Variants in SLC7A2 observed in about 807,000 individuals in gnomAD.
SLC7A2 encodes cationic amino acid transporter 2.
A neutral mutation model predicts 58.9 loss-of-function variants in SLC7A2; 48 were observed. The observed-to-expected ratio is 0.82, with a 90% CI of 0.65 to 1.04. The LOEUF is 1.04. SLC7A2 is among the 50% of genes least tolerant of loss of function. SLC7A2 has a pLI of 0.00. For missense variants in SLC7A2, 1,029 were observed against 818.8 expected, an observed-to-expected ratio of 1.26 and a Z score of -3.13; for synonymous variants, 363 against 314.5, an observed-to-expected ratio of 1.15 and a Z score of -1.63.
chr8:17,523,216 C>T (rs1801087236), intron 2 of SLC7A2, among the ~76,000 whole-genome samples: 1 of 152,022 alleles, frequency 6.6e-6, no homozygotes, highest in Non-Finnish European at 1.5e-5. Flanking sequence ...TCTACAAATT[C>T]AGTGCAACTC....
chr8:17,496,923 G>A (rs1799973881), upstream of SLC7A2, among the ~76,000 whole-genome samples: 3 of 151,726 alleles, frequency 2.0e-5, no homozygotes, highest in Non-Finnish European at 4.4e-5. Flanking sequence ...CCGCTGAGCA[G>A]CGGCCGCACA....
At chr8:17,547,477 T>C (rs963186785) in intron 4 of SLC7A2, among the ~76,000 whole-genome samples, 2 of 152,120 alleles carry the variant, frequency 1.3e-5, no homozygotes, top group African/African-American at 4.8e-5. Context: ...ATGAATAGAA[T>C]ATCCTAATAG....
Position 17,569,108 on chromosome 8 carries a change from C to T in SLC7A2, c.*3962C>T, listed in dbSNP as rs1803399582. On this transcript the variant is annotated 3_prime_UTR_variant, in exon 13 of 13. Coordinates refer to ENST00000494857, the MANE Select transcript of SLC7A2 (RefSeq NM_001370338.1). ...TGACAGAGGGAGCACTTGAGCCTTG[C>T]CTTCCCTCCTCTTAAATCAGGGTGT... 2.0e-5 allele frequency: 3 copies of T among 152,278 alleles called. 1 individual carries two copies. In the South Asian group the frequency reaches 6.2e-4, roughly 32 times the overall value. The allele number at this position is 152,278 out of a possible 1,614,324, so 9.4% of individuals were successfully genotyped here.
intron 2 of SLC7A2, among the ~76,000 whole-genome samples, chr8:17,510,460 G>A (rs925685777): frequency 6.6e-6 from 1 of 152,170 alleles, no homozygotes; most frequent in East Asian, 1.9e-4. Flanking sequence ...CAGTGTAAAA[G>A]CGTTCCTATT....
chr8:17,546,872 A>T (rs919930741), intron 4 of SLC7A2, among the ~76,000 whole-genome samples: 1 of 152,200 alleles, frequency 6.6e-6, no homozygotes, highest in Non-Finnish European at 1.5e-5. Context: ...TTCAAATCTT[A>T]TACCAGATGG....
chr8:17,525,823 C>T (rs980120566), intron 2 of SLC7A2, among the ~76,000 whole-genome samples: 35 of 152,288 alleles, frequency 2.3e-4, no homozygotes, highest in African/African-American at 7.9e-4. Flanking sequence ...CTTAAACAAA[C>T]TTGGTCTTTG....
In SLC7A2 at chr8:17,563,699, T is replaced by C. The variant is rs1803131976; in HGVS notation, c.1768T>C (p.Trp590Arg). ...SADTWVRFSI[W>R]MAIGFLIYFS... The stretch of plus-strand genomic sequence containing the variant: ...AGACACTTGGGTCAGATTCAGCATT[T>C]GGATGGCAATTGGTAGGTCTTTTAA... The change falls in exon 12 of 13, where the codon TGG (tryptophan) becomes CGG (arginine). Residue 590 changes from tryptophan (W) to arginine (R), a missense_variant. By Grantham distance (101) the Trp-to-Arg change is moderately radical. Coordinates refer to ENST00000494857, the MANE Select transcript of SLC7A2 (RefSeq NM_001370338.1). The C allele has an allele frequency of 1.3e-6, 2 of 1,593,198 alleles. No homozygotes were observed. Among genetic ancestry groups the C allele is most frequent in the Non-Finnish European group, 1.7e-6 (2 of 1,161,206 alleles).
Position 17,564,808 on chromosome 8 carries a change from G to C in SLC7A2, c.1781-142G>C, listed in dbSNP as rs1029290510. ...CCTAACAATAGTGGTCTGTGGCCCA[G>C]GGGTTGGTGACCCCCGTTCTAAAGT... On this transcript the variant is annotated intron_variant, in intron 12 of 12. Coordinates refer to ENST00000494857, the MANE Select transcript of SLC7A2 (RefSeq NM_001370338.1). 3 of 647,772 alleles carry C rather than the reference G, an allele frequency of 4.6e-6. No homozygotes were observed. The African/African-American group carries it at 5.5e-5, about 12-fold the overall frequency. 40.1% of individuals were successfully genotyped at this position (647,772 alleles called of 1,614,324 possible).
intron 4 of SLC7A2, among the ~76,000 whole-genome samples, chr8:17,545,605 C>T (rs1000175570): frequency 2.0e-5 from 3 of 151,718 alleles, no homozygotes; most frequent in African/African-American, 7.3e-5. Flanking sequence ...ACTATGTTGG[C>T]CAGGCTGGTC....
At chr8:17,514,070 G>T (rs1800706782) in intron 2 of SLC7A2, among the ~76,000 whole-genome samples, 1 of 152,148 alleles carries the variant, frequency 6.6e-6, no homozygotes, top group Non-Finnish European at 1.5e-5. Flanking sequence ...TTCTCTACAA[G>T]GGTATATGGT....
chr8:17,554,635 A>G lies in SLC7A2; in HGVS notation c.1131A>G (p.Leu377=). 6.2e-7 allele frequency: 1 copy of G among 1,613,464 alleles called. No homozygotes were observed. ...AGGATGGGTTGCTTTTCAAATGTCT[A>G]GCTCAAATCAATTCCAAAACGAAGA... ...MAEDGLLFKC[L]AQINSKTKTP... Residue 377 remains leucine (L), a synonymous_variant, in exon 8 of 13, where the codon CTA becomes CTG. Transcript: ENST00000494857.
At chr8:17,496,587 T>C (rs1799963670), upstream of SLC7A2, among the ~76,000 whole-genome samples, 1 of 152,208 alleles carries the variant, frequency 6.6e-6, no homozygotes, top group African/African-American at 2.4e-5. Flanking sequence ...CACTGGAGTC[T>C]TCCAAAATAG....
At chr8:17,501,744 A>C (rs1800169402) in intron 1 of SLC7A2, among the ~76,000 whole-genome samples, 1 of 152,130 alleles carries the variant, frequency 6.6e-6, no homozygotes, top group Admixed American at 6.6e-5. Flanking sequence ...GAGATAAAAA[A>C]ATGAAAGCAA....
chr8:17,543,236 T>C, intron 2 of SLC7A2, 82 bp from the exon 3 acceptor site: 1 of 1,277,222 alleles, frequency 7.8e-7, no homozygotes, highest in South Asian at 1.4e-5. Flanking sequence ...ACACACATAC[T>C]CTAATTGTGC....
intron 12 of SLC7A2, among the ~76,000 whole-genome samples, chr8:17,564,073 C>G (rs192734303): frequency 2.9e-4 from 44 of 152,354 alleles, no homozygotes; most frequent in African/African-American, 9.6e-4. Flanking sequence ...AACGTTGCCT[C>G]CTGATCCCCA....
At chr8:17,561,869 A>T in intron 10 of SLC7A2, 75 bp from the exon 11 acceptor site, 1 of 1,387,750 alleles carries the variant, frequency 7.2e-7, no homozygotes, top group Non-Finnish European at 1.0e-6. Flanking sequence ...GTTTTATCAG[A>T]ATATGCTGTT....
rs1193811892 is a variant in SLC7A2, at chr8:17,514,602, C to T, written c.-23+12300C>T. Among the ~76,000 whole-genome samples, 6 of 152,286 alleles carry T rather than the reference C, an allele frequency of 3.9e-5. No homozygotes were observed. The South Asian group carries it at 1.2e-3, about 32-fold the overall frequency. On this transcript the variant is annotated intron_variant, in intron 2 of 12. Coordinates refer to ENST00000494857, the MANE Select transcript of SLC7A2 (RefSeq NM_001370338.1). ...CCTTTTATAGCTGTTCTGAGTAGCA[C>T]AGAAACTCAATTTTGCTTGGTAGAA... is the stretch of plus-strand genomic sequence containing the variant.
At chr8:17,508,326 G>A (rs1184545329) in intron 2 of SLC7A2, among the ~76,000 whole-genome samples, 1 of 152,120 alleles carries the variant, frequency 6.6e-6, no homozygotes, top group Non-Finnish European at 1.5e-5. Context: ...AAATGTGAAG[G>A]ACAAACAACC....
At chr8:17,546,244 A>G (rs1802167686) in intron 4 of SLC7A2, among the ~76,000 whole-genome samples, 1 of 152,228 alleles carries the variant, frequency 6.6e-6, no homozygotes, top group South Asian at 2.1e-4. Context: ...CAATTAGAAC[A>G]TAGTTTAATT....
Sources: gnomAD v4.1 joint callset for allele counts (sites outside exome capture counted in the v4.1 genomes callset) on GRCh38, gnomAD v4.1.1 for gene constraint, MANE v1.5 for transcripts, NCBI Gene and HGNC (gene_info 2026-07-23, HGNC 2026-07-21) for gene names.